Variants in PTCH1 observed in about 807,000 individuals in gnomAD.
PTCH1 encodes protein patched homolog 1.
In PTCH1, 14 loss-of-function variants were observed where a neutral mutation model predicts 144.6. That is an observed-to-expected ratio of 0.10 (90% CI 0.06 to 0.15). PTCH1 has a LOEUF of 0.15. PTCH1 is among the 10% of genes least tolerant of loss of function. PTCH1 has a pLI of 1.00. For synonymous variants in PTCH1, 833 were observed against 793.6 expected (o/e 1.05, Z -0.83); for missense variants, 1,623 against 1,948.3 (o/e 0.83, Z 3.14).
At chr9:95,516,760 C>T (rs1587711160) in exon 1 of PTCH1, 1 of 1,613,246 alleles carries the variant, frequency 6.2e-7, no homozygotes, top group South Asian at 1.1e-5. Flanking sequence ...CCGCCGGAGG[C>T]TTTCGGCGGA....
chr9:95,486,092 G>A (rs898489343), intron 2 of PTCH1, among the ~76,000 whole-genome samples: 9 of 152,120 alleles, frequency 5.9e-5, no homozygotes, highest in Non-Finnish European at 8.8e-5. Flanking sequence ...TGGCTGTCCC[G>A]CCTGTCACAG....
chr9:95,482,562 G>A (rs932630549), intron 3 of PTCH1: 19 of 341,768 alleles, frequency 5.6e-5, no homozygotes, highest in South Asian at 4.3e-4. Context: ...CAAAATAGGC[G>A]GGGATTAAAT....
rs375041899 is a variant in PTCH1, at chr9:95,463,606, C to T, written c.2561-1608G>A. Among the ~76,000 whole-genome samples the T allele has an allele frequency of 9.9e-4, 151 of 152,288 alleles. No individual in the cohort carries two copies. The South Asian group carries it at 0.03, about 30-fold the overall frequency. On this transcript the variant is annotated intron_variant, in intron 15 of 23. Coordinates refer to ENST00000331920, the MANE Select transcript of PTCH1 (RefSeq NM_000264.5). ...TGTAACAATTTTCATGATGTCATGACGTGTCCTGGGCTTTAAGCCCCTCTC... is the reference window on the plus strand; with the variant it reads ...TGTAACAATTTTCATGATGTCATGATGTGTCCTGGGCTTTAAGCCCCTCTC...
chr9:95,465,214 C>T (rs1712479006), intron 15 of PTCH1, among the ~76,000 whole-genome samples: 1 of 152,176 alleles, frequency 6.6e-6, no homozygotes, highest in African/African-American at 2.4e-5. Flanking sequence ...ACCCCCTTCC[C>T]AATCCCTGCC....
At chr9:95,453,664 C>T in intron 19 of PTCH1, 44 bp from the exon 20 acceptor site, 1 of 1,610,064 alleles carries the variant, frequency 6.2e-7, no homozygotes, top group Non-Finnish European at 8.5e-7. Context: ...CTGGACTTCA[C>T]CTGGTAAATG....
exon 1 of PTCH1, chr9:95,516,584 C>T: frequency 6.3e-7 from 1 of 1,584,466 alleles, no homozygotes; most frequent in Non-Finnish European, 8.6e-7. Context: ...GTCCTCCGCT[C>T]CTCCGTCTTC....
intron 2 of PTCH1, among the ~76,000 whole-genome samples, chr9:95,500,315 T>A (rs1040017509): frequency 5.3e-5 from 8 of 152,188 alleles, no homozygotes. Context: ...AGAAGACACC[T>A]GAGGGCTATT....
At chr9:95,509,501 C>G (rs190757357), upstream of PTCH1, among the ~76,000 whole-genome samples, 24 of 152,240 alleles carry the variant, frequency 1.6e-4, no homozygotes, top group African/African-American at 5.8e-4. Flanking sequence ...CCAACCTTCT[C>G]GCATGCAATA....
In PTCH1 at chr9:95,509,242, AGAG is replaced by A. The variant is rs1306617223; in HGVS notation, c.-884_-882del. Among the ~76,000 whole-genome samples, 1 of 133,102 alleles carries A rather than the reference AGAG, an allele frequency of 7.5e-6. No individual in the cohort carries two copies. The highest frequency in any genetic ancestry group is 1.6e-5 in the Non-Finnish European group (1 of 63,672). 87.3% of individuals were successfully genotyped at this position (133,102 alleles called of 152,430 possible). Reference sequence around the variant, plus strand: ...AGAACTCTCTCCATTTGGAGAAAGAAGAGGAGGAGGGGAGGGGAGGGGGTGGAG... The same window carrying A: ...AGAACTCTCTCCATTTGGAGAAAGAAGAGGAGGGGAGGGGAGGGGGTGGAG... On this transcript the variant is annotated 5_prime_UTR_variant, in exon 1 of 24. Transcript: ENST00000331920.
intron 15 of PTCH1, among the ~76,000 whole-genome samples, chr9:95,462,831 A>C (rs1310207060): frequency 6.6e-6 from 1 of 152,234 alleles, no homozygotes; most frequent in African/African-American, 2.4e-5. Flanking sequence ...CACACCACAC[A>C]CAGCTGCGCT....
In PTCH1 at chr9:95,506,542, A is replaced by G. The variant is rs2118879578; in HGVS notation, c.259T>C (p.Leu87=). The change falls in exon 2 of 24, where the codon TTA becomes CTA. Residue 87 remains leucine, a synonymous_variant. Coordinates refer to ENST00000331920, the MANE Select transcript of PTCH1 (RefSeq NM_000264.5). The part of the protein sequence containing the change: ...LWLRAKFQRL[L]FKLGCYIQKN... ...TGAATGTAACAACCCAGTTTAAATAAGAGTCTCTGAAACTTCGCTCTCAGC... is the reference window on the plus strand; with the variant it reads ...TGAATGTAACAACCCAGTTTAAATAGGAGTCTCTGAAACTTCGCTCTCAGC... 6.2e-7 allele frequency: 1 copy of G among 1,613,440 alleles called. No individual in the cohort carries two copies. Among genetic ancestry groups the G allele is most frequent in the Non-Finnish European group, 8.5e-7 (1 of 1,179,650 alleles).
Position 95,478,202 on chromosome 9 carries a change from A to C in PTCH1, c.1216-16T>G. On this transcript the variant is annotated splice_polypyrimidine_tract_variant and intron_variant, in intron 8 of 23. Coordinates refer to ENST00000331920, the MANE Select transcript of PTCH1 (RefSeq NM_000264.5). ...GATGAACCACCTGTGGTCACAACAG[A>C]ATGCGAAATGCCCAAATGCAATGAA... The C allele has an allele frequency of 6.2e-7, 1 of 1,614,178 alleles. No homozygotes were observed. Among genetic ancestry groups the C allele is most frequent in the South Asian group, 1.1e-5 (1 of 91,076 alleles).
exon 1 of PTCH1, chr9:95,516,819 A>T (rs1039069537): frequency 1.2e-6 from 2 of 1,600,612 alleles, no homozygotes; most frequent in Non-Finnish European, 1.7e-6. Context: ...AAGCAGTTCC[A>T]TGGCCCTCGG....
chr9:95,507,548 C>T, intron 1 of PTCH1: 1 of 637,200 alleles, frequency 1.6e-6, no homozygotes, highest in Non-Finnish European at 2.0e-6. Flanking sequence ...TAAGGAGAGG[C>T]GGCTCAAAAC....
At chr9:95,507,903 T>TATAC in intron 1 of PTCH1, 2 of 1,300,576 alleles carry the variant, frequency 1.5e-6, no homozygotes, top group East Asian at 3.2e-5. Context: ...AGGGCGTGTG[T>TATAC]ATACACACAC....
At chr9:95,472,495 CT>C (rs1353121320) in intron 12 of PTCH1, among the ~76,000 whole-genome samples, 1 of 152,160 alleles carries the variant, frequency 6.6e-6, no homozygotes, top group Admixed American at 6.5e-5. Context: ...AGATGTCATC[CT>C]GGGGGCCGAA....
In PTCH1 at chr9:95,485,666, T is replaced by C. The variant is rs374707429; in HGVS notation, c.584+19A>G. The C allele has an allele frequency of 2.9e-5, 47 of 1,613,964 alleles. No homozygotes were observed. Among genetic ancestry groups the C allele is most frequent in the Non-Finnish European group, 3.9e-5 (46 of 1,179,878 alleles). On this transcript the variant is annotated intron_variant, in intron 3 of 23. Transcript: ENST00000331920. ...GCCTTACCTGCTGCTCATTAGTAGG[T>C]GGACGCGGCGGGCCTTACCTGTTGT...
upstream of PTCH1, among the ~76,000 whole-genome samples, chr9:95,511,437 G>C (rs1844156219): frequency 6.6e-6 from 1 of 152,248 alleles, no homozygotes; most frequent in African/African-American, 2.4e-5. Context: ...GCCGGGGTCA[G>C]GGCGGGATGT....
chr9:95,516,777 CG>C, exon 1 of PTCH1: 1 of 1,612,886 alleles, frequency 6.2e-7, no homozygotes. Context: ...CGGAGTGCAG[CG>C]CGGACTCACA....
Sources: allele counts gnomAD v4.1 joint callset (sites outside exome capture counted in the v4.1 genomes callset), GRCh38; gene constraint gnomAD v4.1.1; transcripts MANE v1.5; gene names NCBI Gene and HGNC (gene_info 2026-07-23, HGNC 2026-07-21).